USP5: variants seen among roughly 807,000 people sequenced by gnomAD.
USP5 encodes the protein ubiquitin specific peptidase 5.
A neutral mutation model predicts 102.5 loss-of-function variants in USP5; 24 were observed. The ratio of observed to expected loss-of-function variants is 0.23; its 90% CI spans 0.17 to 0.33. USP5 has a LOEUF of 0.33. Among genes scored for constraint, USP5 ranks in the 10% least tolerant of loss-of-function variants. The pLI, the probability that USP5 is intolerant of heterozygous loss-of-function variation, is 1.00. For synonymous variants in USP5, 460 were observed against 434.8 expected, an observed-to-expected ratio of 1.06 and a Z score of -0.72; for missense variants, 753 against 1,122.1, an observed-to-expected ratio of 0.67 and a Z score of 4.70.
rs1434724226 is a variant in USP5 at position 6,855,359 on chromosome 12, C to T, written c.112-42C>T. 6.2e-6 allele frequency: 10 copies of T among 1,608,452 alleles called. No individual in the cohort carries two copies. The highest frequency in any genetic ancestry group is 1.7e-5 in the Admixed American group (1 of 58,890). On this transcript the variant is annotated intron_variant, in intron 1 of 19. Coordinates refer to ENST00000229268, the MANE Select transcript of USP5 (RefSeq NM_001098536.2). This position sits in a 1 kb window ranked among gnomAD's most constrained non-coding sequence, Gnocchi z 4.6. ...TTGGTTTCCTCACCTGACCAGGCTT[C>T]ATAACATCCTCGTGTTTTCACCCTT...
rs926156252 is a variant in USP5, at chr12:6,865,316, C to T, written c.2483+68C>T. On this transcript the variant is annotated intron_variant, in intron 19 of 19. Coordinates refer to ENST00000229268, the MANE Select transcript of USP5 (RefSeq NM_001098536.2). ...GGAATGAGGAGGGCCATTTGGAAGT[C>T]CTTGGGATAGCTATGGGAGAAGGTG... 6 of 1,426,978 alleles carry T rather than the reference C, an allele frequency of 4.2e-6. No individual in the cohort carries two copies. In the African/African-American group the frequency reaches 7.0e-5, roughly 17 times the overall value. The allele number at this position is 1,426,978 out of a possible 1,614,324, so 88.4% of individuals were successfully genotyped here. A position where few individuals can be genotyped will look rare whatever the true frequency, so the allele number is the denominator to read the frequency against.
chr12:6,863,027 G>A lies in USP5; in HGVS notation c.1763-159G>A. On this transcript the variant is annotated intron_variant, in intron 14 of 19. Coordinates refer to ENST00000229268, the MANE Select transcript of USP5 (RefSeq NM_001098536.2). This position sits in a 1 kb window ranked among gnomAD's most constrained non-coding sequence, Gnocchi z 4.7. ...CCTGGCCTCCCAACTCCCAGGCTTA[G>A]TATTATTTGTCTTATACTGGGACCC... The A allele has an allele frequency of 1.5e-6, 1 of 660,554 alleles. No homozygotes were observed. Among genetic ancestry groups the A allele is most frequent in the Non-Finnish European group, 2.5e-6 (1 of 405,986 alleles). The allele number at this position is 660,554 out of a possible 1,614,324, so 40.9% of individuals were successfully genotyped here. A position where few individuals can be genotyped will look rare whatever the true frequency, so the allele number is the denominator to read the frequency against.
At chr12:6,865,344 G>C in intron 19 of USP5, 96 bp downstream of exon 19, 1 of 1,122,396 alleles carries the variant, frequency 8.9e-7, no homozygotes, top group Non-Finnish European at 1.3e-6. Context: ...AGAAGGTGAA[G>C]GGACTGCCTG....
Position 6,852,240 on chromosome 12 carries a change from G to T in USP5, c.61G>T (p.Ala21Ser), listed in dbSNP as rs200956770. Residue 21 changes from alanine to serine, a missense_variant, in exon 1 of 20, where the codon GCT becomes TCT. Ala to Ser is a moderately conservative substitution (Grantham distance 99). This residue lies in a region of USP5 where 527 missense variants were observed against 816.5 expected (regional missense o/e 0.65). Coordinates refer to ENST00000229268, the MANE Select transcript of USP5 (RefSeq NM_001098536.2). ...SVLPTIRVPK[A>S]GDRVHKDECA... ...ATTACCGACGATCCGGGTCCCTAAG[G>T]CTGGAGACCGGGTCCACAAAGACGA... 9.9e-6 allele frequency: 16 copies of T among 1,613,136 alleles called. No individual in the cohort carries two copies. The highest frequency in any genetic ancestry group is 1.3e-5 in the Non-Finnish European group (15 of 1,179,754).
At chr12:6,857,563 G>T in intron 6 of USP5, 66 bp from the exon 7 acceptor site, 1 of 1,402,040 alleles carries the variant, frequency 7.1e-7, no homozygotes, top group Non-Finnish European at 1.0e-6. Flanking sequence ...CTGTGCAAGG[G>T]ATGGGATGGT....
rs1555128820 is a variant in USP5 at position 6,858,437 on chromosome 12, T to C, written c.878T>C (p.Met293Thr). The C allele has an allele frequency of 1.2e-6, 2 of 1,602,926 alleles. No individual in the cohort carries two copies. The highest frequency in any genetic ancestry group is 1.7e-6 in the Non-Finnish European group (2 of 1,170,418). ...MLKMQKTDKT[M>T]TELEIDMNQR... is the part of the protein sequence containing the mutation. ...CTTCTCACACAGACAGACAAGACGA[T>C]GACTGAGTTGGAGATAGACATGAAC... is the stretch of plus-strand genomic sequence containing the variant. The change falls in exon 8 of 20, where the codon ATG becomes ACG. Residue 293 changes from methionine to threonine, a missense_variant. Transcript: ENST00000229268. This position sits in a 1 kb window ranked among gnomAD's most constrained non-coding sequence, Gnocchi z 4.2.
In USP5 at chr12:6,863,751, G is replaced by C. The variant is rs782469412; in HGVS notation, c.1955-79G>C. 6.7e-7 allele frequency: 1 copy of C among 1,497,162 alleles called. No individual in the cohort carries two copies. Among genetic ancestry groups the C allele is most frequent in the East Asian group, 2.3e-5 (1 of 42,638 alleles). The allele number at this position is 1,497,162 out of a possible 1,614,324, so 92.7% of individuals were successfully genotyped here. The stretch of plus-strand genomic sequence containing the variant: ...ATGCATGGAATGGGTGATTGGAAGA[G>C]GGCTGGGTCCTGGGGGAGGGAGGAG... On this transcript the variant is annotated intron_variant, in intron 15 of 19. Transcript: ENST00000229268. This position sits in a 1 kb window ranked among gnomAD's most constrained non-coding sequence, Gnocchi z 4.7.
chr12:6,866,310 G>A lies in USP5; in HGVS notation c.*233G>A, dbSNP rs936059096. ...GGAGGGGCCGGCCACCTGTCTGTAA[G>A]GAGACTTTGTTGCTTCCCCTGCCCC... On this transcript the variant is annotated 3_prime_UTR_variant, in exon 20 of 20. Coordinates refer to ENST00000229268, the MANE Select transcript of USP5 (RefSeq NM_001098536.2). The surrounding 1 kb of genome is among the most constrained non-coding windows in gnomAD (Gnocchi z 4.7). The A allele has an allele frequency of 7.6e-6, 4 of 523,092 alleles. No individual in the cohort carries two copies. Among genetic ancestry groups the A allele is most frequent in the Non-Finnish European group, 1.0e-5 (3 of 289,486 alleles). The allele number at this position is 523,092 out of a possible 1,614,324, so 32.4% of individuals were successfully genotyped here.
In USP5 at chr12:6,857,611, TC is replaced by T. The variant is rs782730190; in HGVS notation, c.770-16del. 6.2e-7 allele frequency: 1 copy of T among 1,610,788 alleles called. No individual in the cohort carries two copies. Among genetic ancestry groups the T allele is most frequent in the East Asian group, 2.2e-5 (1 of 44,784 alleles). On this transcript the variant is annotated splice_polypyrimidine_tract_variant and intron_variant, in intron 6 of 19. Transcript: ENST00000229268. ...CCTGAGCCACTTCCCCTGATTCTCT[TC>T]CTGCCTCCTGCTCTAGACGTGTACT...
Position 6,856,839 on chromosome 12 carries a change from G to A in USP5, c.717G>A (p.Glu239=). 1.9e-6 allele frequency: 3 copies of A among 1,614,194 alleles called. No individual in the cohort carries two copies. Among genetic ancestry groups the A allele is most frequent in the Non-Finnish European group, 2.5e-6 (3 of 1,180,036 alleles). ...ACCACGCTGTGGAGCACTACCGAGA[G>A]ACAGGCTACCCGTTAGCTGTCAAGC... is the stretch of plus-strand genomic sequence containing the variant. ...GNNHAVEHYR[E]TGYPLAVKLG... The change falls in exon 6 of 20, where the codon GAG becomes GAA. Residue 239 remains glutamate, a synonymous_variant. Coordinates refer to ENST00000229268, the MANE Select transcript of USP5 (RefSeq NM_001098536.2). This position sits in a 1 kb window ranked among gnomAD's most constrained non-coding sequence, Gnocchi z 5.6.
chr12:6,852,372 G>C, intron 1 of USP5, 82 bp downstream of exon 1: 1 of 1,390,060 alleles, frequency 7.2e-7, no homozygotes, highest in Non-Finnish European at 9.9e-7. Context: ...CAAGGCTTGG[G>C]CTACCGCCTC....
Position 6,857,591 on chromosome 12 carries a change from GCC to G in USP5, c.770-37_770-36del, listed in dbSNP as rs782382692. ...GGGATGGTGGCCTGGCTAGTCCTGA[GCC>G]ACTTCCCCTGATTCTCTTCCTGCCT... is the stretch of plus-strand genomic sequence containing the variant. On this transcript the variant is annotated intron_variant, in intron 6 of 19. Transcript: ENST00000229268. 5 of 1,591,732 alleles carry G rather than the reference GCC, an allele frequency of 3.1e-6. No individual in the cohort carries two copies. The East Asian group carries it at 1.1e-4, about 36-fold the overall frequency.
At chr12:6,857,801 A>G (rs530703216) in intron 7 of USP5, 78 bp downstream of exon 7, 118 of 1,426,806 alleles carry the variant, frequency 8.3e-5, no homozygotes, top group Non-Finnish European at 1.1e-4. Flanking sequence ...AGGCTGAGGT[A>G]GGGTTTTGGA....
In USP5 at chr12:6,861,809, T is replaced by C. The variant is rs1373067941; in HGVS notation, c.1673+192T>C. Among the ~76,000 whole-genome samples the C allele has an allele frequency of 2.6e-5, 4 of 152,236 alleles. No individual in the cohort carries two copies. The highest frequency in any genetic ancestry group is 9.6e-5 in the African/African-American group (4 of 41,464). The stretch of plus-strand genomic sequence containing the variant: ...GGGACACGGGTACTGACTCTATCTG[T>C]CACCTTGTCCTGCCCCAACCACTCC... On this transcript the variant is annotated intron_variant, in intron 13 of 19. Transcript: ENST00000229268. The surrounding 1 kb of genome is among the most constrained non-coding windows in gnomAD (Gnocchi z 4.9).
chr12:6,860,126 A>G lies in USP5; in HGVS notation c.1131-25A>G. 6.2e-7 allele frequency: 1 copy of G among 1,607,242 alleles called. No homozygotes were observed. Among genetic ancestry groups the G allele is most frequent in the African/African-American group, 1.3e-5 (1 of 74,370 alleles). ...CAGGGTCGTTAGTTGACTGAAGTGA[A>G]ATGTTTTCTTGGATATTAATGCAGG... On this transcript the variant is annotated intron_variant, in intron 9 of 19. Coordinates refer to ENST00000229268, the MANE Select transcript of USP5 (RefSeq NM_001098536.2). The surrounding 1 kb of genome is among the most constrained non-coding windows in gnomAD (Gnocchi z 5.5).
In USP5 at chr12:6,856,794, C is replaced by T. The variant is rs201246451; in HGVS notation, c.672C>T (p.Phe224=). The change falls in exon 6 of 20, where the codon TTC becomes TTT. Residue 224 remains phenylalanine, a synonymous_variant. Transcript: ENST00000229268. The surrounding 1 kb of genome is among the most constrained non-coding windows in gnomAD (Gnocchi z 5.6). ...DGSILCGRRY[F]DGSGGNNHAV... ...CCATCCTCTGTGGGCGACGCTACTT[C>T]GATGGCAGTGGGGGCAACAACCACG... 13 of 1,614,178 alleles carry T rather than the reference C, an allele frequency of 8.1e-6. No homozygotes were observed. The highest frequency in any genetic ancestry group is 4.0e-5 in the African/African-American group (3 of 75,034).
rs1944334581 is a variant in USP5, at chr12:6,863,448, C to T, written c.1954+71C>T. The T allele has an allele frequency of 3.3e-6, 5 of 1,509,142 alleles. No homozygotes were observed. The highest frequency in any genetic ancestry group is 4.5e-5 in the East Asian group (2 of 44,072). 93.5% of individuals were successfully genotyped at this position (1,509,142 alleles called of 1,614,324 possible). A position where few individuals can be genotyped will look rare whatever the true frequency, so the allele number is the denominator to read the frequency against. On this transcript the variant is annotated intron_variant, in intron 15 of 19. Coordinates refer to ENST00000229268, the MANE Select transcript of USP5 (RefSeq NM_001098536.2). The surrounding 1 kb of genome is among the most constrained non-coding windows in gnomAD (Gnocchi z 4.7). Reference sequence around the variant, plus strand: ...GGCCTCTCTGCCTTGCATCCCCTGCCCCTGTCCTTTGTGTTTCTCCTGTCC... The same window carrying T: ...GGCCTCTCTGCCTTGCATCCCCTGCTCCTGTCCTTTGTGTTTCTCCTGTCC...
chr12:6,854,493 C>T (rs1046993932), intron 1 of USP5, among the ~76,000 whole-genome samples: 5 of 151,908 alleles, frequency 3.3e-5, no homozygotes, highest in African/African-American at 4.8e-5. Context: ...TTAGTCTCAC[C>T]GCTGTAATCC....
chr12:6,861,736 G>A lies in USP5; in HGVS notation c.1673+119G>A. The A allele has an allele frequency of 8.4e-7, 1 of 1,183,780 alleles. No homozygotes were observed. The highest frequency in any genetic ancestry group is 2.9e-5 in the East Asian group (1 of 34,010). The allele number at this position is 1,183,780 out of a possible 1,614,324, so 73.3% of individuals were successfully genotyped here. A position where few individuals can be genotyped will look rare whatever the true frequency, so the allele number is the denominator to read the frequency against. Reference sequence around the variant, plus strand: ...TGGTTGGAACCTCAGGGTTGAATCAGTTGGGCTGGTAATCTGGCCCTGATG... The same window carrying A: ...TGGTTGGAACCTCAGGGTTGAATCAATTGGGCTGGTAATCTGGCCCTGATG... On this transcript the variant is annotated intron_variant, in intron 13 of 19. Coordinates refer to ENST00000229268, the MANE Select transcript of USP5 (RefSeq NM_001098536.2). The surrounding 1 kb of genome is among the most constrained non-coding windows in gnomAD (Gnocchi z 4.9).
Sources: allele counts gnomAD v4.1 joint callset (sites outside exome capture counted in the v4.1 genomes callset), GRCh38; gene constraint gnomAD v4.1.1; regional missense constraint gnomAD v4.1.1; non-coding constraint Gnocchi (gnomAD v3.1); transcripts MANE v1.5; gene names NCBI Gene and HGNC (gene_info 2026-07-23, HGNC 2026-07-21).